Variants in ENPP6 observed in about 807,000 individuals in gnomAD.
The protein encoded by ENPP6 is ectonucleotide pyrophosphatase/phosphodiesterase 6.
Under a neutral mutation model 42.0 loss-of-function variants are expected in ENPP6, and 32 were observed. That is an observed-to-expected ratio of 0.76 (90% CI 0.58 to 1.02). The LOEUF (loss-of-function observed/expected upper bound fraction) is 1.02. ENPP6 is among the 50% of genes least tolerant of loss of function. The probability of loss-of-function intolerance (pLI) is 0.00; values close to 1 mark genes in which losing one functional copy is unlikely to be tolerated. For missense variants in ENPP6, 552 were observed against 566.8 expected (o/e 0.97, Z 0.27); for synonymous variants, 213 against 216.0 (o/e 0.99, Z 0.12).
chr4:184,137,324 T>C (rs1736744972), intron 2 of ENPP6, among the ~76,000 whole-genome samples: 1 of 152,180 alleles, frequency 6.6e-6, no homozygotes, highest in African/African-American at 2.4e-5. Flanking sequence ...CTCGAACACC[T>C]TACCTCAAGC....
intron 3 of ENPP6, among the ~76,000 whole-genome samples, chr4:184,119,958 C>T (rs772047894): frequency 5.3e-5 from 8 of 152,178 alleles, no homozygotes; most frequent in Non-Finnish European, 8.8e-5. Context: ...TTACAAATTA[C>T]CCAGTCTTAG....
intron 1 of ENPP6, among the ~76,000 whole-genome samples, chr4:184,176,874 A>ACT (rs1045620021): frequency 6.6e-6 from 1 of 152,046 alleles, no homozygotes; most frequent in African/African-American, 2.4e-5. Flanking sequence ...GCCTTGTGAG[A>ACT]CTCTGTCTCT....
At chr4:184,217,408 G>A (rs557111722) in intron 1 of ENPP6, among the ~76,000 whole-genome samples, 171 bp downstream of exon 1, 426 of 152,230 alleles carry the variant, frequency 2.8e-3, no homozygotes, top group African/African-American at 9.8e-3. Flanking sequence ...ATACCGCCAC[G>A]AAAACAAAAG....
chr4:184,101,304 T>TTGTGTG (rs56174532), intron 6 of ENPP6, among the ~76,000 whole-genome samples: 7 of 137,098 alleles, frequency 5.1e-5, no homozygotes, highest in African/African-American at 1.9e-4. Context: ...GTGTGTGAGC[T>TTGTGTG]TGTGTGTGTG....
intron 1 of ENPP6, among the ~76,000 whole-genome samples, chr4:184,183,231 T>A (rs530594838): frequency 2.0e-5 from 3 of 152,210 alleles, no homozygotes; most frequent in Non-Finnish European, 2.9e-5. Context: ...GATAATCAGA[T>A]GAATAGAACA....
chr4:184,116,688 G>A (rs369473294), intron 5 of ENPP6, among the ~76,000 whole-genome samples, 168 bp downstream of exon 5: 2 of 152,224 alleles, frequency 1.3e-5, no homozygotes, highest in East Asian at 1.9e-4. Context: ...AGCCGAGATC[G>A]CGCCATTGCA....
In ENPP6 at chr4:184,163,530, G is replaced by A. The variant is rs1215318727; in HGVS notation, c.242-9797C>T. ...ATATGAAACATATGCTGATTTCAAG[G>A]TGAAAGCTCTCGGTTTAAAAAAAAA... On this transcript the variant is annotated intron_variant, in intron 1 of 7. Coordinates refer to ENST00000296741, the MANE Select transcript of ENPP6 (RefSeq NM_153343.4). Among the ~76,000 whole-genome samples the A allele has an allele frequency of 3.3e-5, 5 of 152,128 alleles. No individual in the cohort carries two copies. In the East Asian group the frequency reaches 9.6e-4, roughly 29 times the overall value.
chr4:184,107,504 G>A (rs996340863), intron 6 of ENPP6, among the ~76,000 whole-genome samples: 16 of 152,224 alleles, frequency 1.1e-4, no homozygotes, highest in Non-Finnish European at 2.1e-4. Context: ...CAGCAGTCCC[G>A]CTGGATGACT....
chr4:184,210,074 C>T (rs1477886251), intron 1 of ENPP6, among the ~76,000 whole-genome samples: 1 of 151,354 alleles, frequency 6.6e-6, no homozygotes, highest in Non-Finnish European at 1.5e-5. Context: ...CCTAAAAGAG[C>T]TCCTGAAGGA....
At chr4:184,178,460 C>T (rs1361550983) in intron 1 of ENPP6, among the ~76,000 whole-genome samples, 1 of 152,112 alleles carries the variant, frequency 6.6e-6, no homozygotes, top group Non-Finnish European at 1.5e-5. Flanking sequence ...AGTATATCAT[C>T]CAGGAAAACT....
rs5864876 is a variant in ENPP6, at chr4:184,147,800, CA to C, written c.421+5753del. On this transcript the variant is annotated intron_variant, in intron 2 of 7. Coordinates refer to ENST00000296741, the MANE Select transcript of ENPP6 (RefSeq NM_153343.4). ...TGGGCAACAGAGAAAGACCCTGTTTCAAAAAAAAAAAAAAAGTATTCAGCTT... is the reference window on the plus strand; with the variant it reads ...TGGGCAACAGAGAAAGACCCTGTTTCAAAAAAAAAAAAAAGTATTCAGCTT... Among the ~76,000 whole-genome samples the C allele has an allele frequency of 1.3e-3, 181 of 143,762 alleles. 1 individual carries two copies. Among genetic ancestry groups the C allele is most frequent in the Middle Eastern group, 3.7e-3 (1 of 272 alleles). The allele number at this position is 143,762 out of a possible 152,430, so 94.3% of individuals were successfully genotyped here.
At chr4:184,137,638 T>G (rs2111365145) in intron 2 of ENPP6, among the ~76,000 whole-genome samples, 1 of 152,368 alleles carries the variant, frequency 6.6e-6, no homozygotes, top group South Asian at 2.1e-4. Flanking sequence ...TAAGATGATT[T>G]GAAGCTTAGC....
chr4:184,153,786 T>A, intron 1 of ENPP6, 53 bp from the exon 2 acceptor site: 1 of 1,565,438 alleles, frequency 6.4e-7, no homozygotes, highest in Non-Finnish European at 8.7e-7. Flanking sequence ...GTTTCTATTT[T>A]TATCTTTGTT....
rs544886032 is a variant in ENPP6, at chr4:184,211,621, A to T, written c.241+5958T>A. Among the ~76,000 whole-genome samples, 1,327 of 152,354 alleles carry T rather than the reference A, an allele frequency of 8.7e-3. 22 individuals carry two copies. Among genetic ancestry groups the T allele is most frequent in the African/African-American group, 0.03 (1,248 of 41,568 alleles). On this transcript the variant is annotated intron_variant, in intron 1 of 7. Coordinates refer to ENST00000296741, the MANE Select transcript of ENPP6 (RefSeq NM_153343.4). ...ATAGCTTACCAACTAAAAAGAGTCCAGGACCAGACGGATTCACAGCTGAAT... is the reference window on the plus strand; with the variant it reads ...ATAGCTTACCAACTAAAAAGAGTCCTGGACCAGACGGATTCACAGCTGAAT...
At chr4:184,148,352 A>G (rs1736961943) in intron 2 of ENPP6, among the ~76,000 whole-genome samples, 1 of 152,216 alleles carries the variant, frequency 6.6e-6, no homozygotes, top group Non-Finnish European at 1.5e-5. Flanking sequence ...AACATAATGG[A>G]TGCTGCTAAA....
intron 4 of ENPP6, 65 bp from the exon 5 acceptor site, chr4:184,117,100 T>C: frequency 1.9e-6 from 3 of 1,570,752 alleles, no homozygotes; most frequent in South Asian, 2.3e-5. Context: ...CAGAAAACCT[T>C]GTCAACTACA....
chr4:184,186,526 G>T (rs1427008574), intron 1 of ENPP6, among the ~76,000 whole-genome samples: 1 of 152,148 alleles, frequency 6.6e-6, no homozygotes, highest in African/African-American at 2.4e-5. Context: ...ATATAAAGGG[G>T]CCAGCAAAGA....
intron 7 of ENPP6, among the ~76,000 whole-genome samples, chr4:184,096,848 G>A (rs964606617): frequency 1.3e-5 from 2 of 152,124 alleles, no homozygotes; most frequent in Non-Finnish European, 2.9e-5. Flanking sequence ...CCGTGGAAGA[G>A]CCAGACCCCG....
intron 2 of ENPP6, among the ~76,000 whole-genome samples, chr4:184,141,021 A>G (rs9654299): frequency 0.63 from 87,496 of 139,582 alleles, 27,894 homozygotes; most frequent in Non-Finnish European, 0.67. Flanking sequence ...CAGAATCTAC[A>G]ATGAACTCAA....
Sources: gnomAD v4.1 joint callset for allele counts (sites outside exome capture counted in the v4.1 genomes callset) on GRCh38, gnomAD v4.1.1 for gene constraint, MANE v1.5 for transcripts, NCBI Gene and HGNC (gene_info 2026-07-23, HGNC 2026-07-21) for gene names.